Variants in GCNT1 observed in about 807,000 individuals in gnomAD.
GCNT1 encodes glucosaminyl (N-acetyl) transferase 1.
A neutral mutation model predicts 26.2 loss-of-function variants in GCNT1; 16 were observed. The ratio of observed to expected loss-of-function variants is 0.61; its 90% confidence interval spans 0.41 to 0.93. GCNT1 has a LOEUF of 0.93. GCNT1 is among the 40% of genes least tolerant of loss of function. The probability of loss-of-function intolerance (pLI) is 0.00; values close to 1 mark genes in which losing one functional copy is unlikely to be tolerated. For missense variants in GCNT1, 477 were observed against 526.7 expected, an observed-to-expected ratio of 0.91 and a Z score of 0.92; for synonymous variants, 183 against 190.8, an observed-to-expected ratio of 0.96 and a Z score of 0.34.
intron 1 of GCNT1, among the ~76,000 whole-genome samples, chr9:76,451,232 G>A (rs1823659990): frequency 6.6e-6 from 1 of 152,146 alleles, no homozygotes; most frequent in African/African-American, 2.4e-5. Context: ...TTTAGGCAAG[G>A]GGAGACTTTA....
chr9:76,475,660 C>CA (rs1824238264), intron 2 of GCNT1, among the ~76,000 whole-genome samples: 1 of 152,282 alleles, frequency 6.6e-6, no homozygotes, highest in East Asian at 1.9e-4. Context: ...TTCACGGAGA[C>CA]AGAGTGATGT....
the GCNT1 span, among the ~76,000 whole-genome samples, chr9:76,402,831 C>A: frequency 6.6e-6 from 1 of 152,162 alleles, no homozygotes; most frequent in Non-Finnish European, 1.5e-5. Context: ...AGGCACGCGC[C>A]ACCACGCCCG....
At chr9:76,431,368 C>T (rs960549220) in intron 1 of GCNT1, among the ~76,000 whole-genome samples, 13 of 152,168 alleles carry the variant, frequency 8.5e-5, no homozygotes, top group African/African-American at 2.9e-4. Flanking sequence ...GTCCCATGAT[C>T]CACTCAGTTT....
chr9:76,490,783 CT>C (rs1316921792), intron 2 of GCNT1, among the ~76,000 whole-genome samples: 1 of 152,234 alleles, frequency 6.6e-6, no homozygotes, highest in Non-Finnish European at 1.5e-5. Flanking sequence ...TTTCTTATCA[CT>C]TACTGAATAC....
At chr9:76,469,010 C>G (rs1295964087) in intron 2 of GCNT1, among the ~76,000 whole-genome samples, 1 of 152,152 alleles carries the variant, frequency 6.6e-6, no homozygotes, top group Non-Finnish European at 1.5e-5. Flanking sequence ...CATTTGTTAA[C>G]TTTATGGGGC....
rs1232693145 is a variant in GCNT1, at chr9:76,502,636, C to G, written c.255C>G (p.Arg85=). Residue 85 remains arginine, a synonymous_variant, in exon 4 of 4, where the codon CGC becomes CGG. Transcript: ENST00000376730. The part of the protein sequence containing the change: ...LEILTVKFKK[R]PRWTPDDYIN... Reference sequence around the variant, plus strand: ...TCCTAACAGTGAAATTTAAAAAGCGCCCTCGGTGGACACCTGACGACTATA... The same window carrying G: ...TCCTAACAGTGAAATTTAAAAAGCGGCCTCGGTGGACACCTGACGACTATA... The G allele has an allele frequency of 6.2e-7, 1 of 1,613,768 alleles. No homozygotes were observed. The highest frequency in any genetic ancestry group is 8.5e-7 in the Non-Finnish European group (1 of 1,179,924).
intron 1 of GCNT1, 115 bp from the exon 2 acceptor site, chr9:76,459,945 C>A (rs1335211086): frequency 1.3e-5 from 2 of 152,124 alleles, no homozygotes; most frequent in Admixed American, 1.3e-4. Context: ...TTACCCCCTC[C>A]TAGGTTTCTC....
the GCNT1 span, among the ~76,000 whole-genome samples, chr9:76,413,653 G>GTTTTGTTTTTTTTGTT: frequency 8.4e-6 from 1 of 118,658 alleles, no homozygotes; most frequent in Non-Finnish European, 1.8e-5. Context: ...GTTTTGTTTT[G>GTTTTGTTTTTTTTGTT]TTTTTTTTTT....
At chr9:76,428,847 T>C (rs1220568448) in intron 1 of GCNT1, among the ~76,000 whole-genome samples, 7 of 152,008 alleles carry the variant, frequency 4.6e-5, no homozygotes, top group Admixed American at 1.3e-4. Context: ...ATTACAGGCA[T>C]GCACCACCAC....
At chr9:76,487,972 G>A (rs922221874) in intron 2 of GCNT1, among the ~76,000 whole-genome samples, 2 of 152,128 alleles carry the variant, frequency 1.3e-5, no homozygotes, top group Non-Finnish European at 1.5e-5. Context: ...AGGCTCAGGC[G>A]ATCCACTCGC....
chr9:76,413,611 A>G, the GCNT1 span, among the ~76,000 whole-genome samples: 38 of 144,800 alleles, frequency 2.6e-4, no homozygotes, highest in East Asian at 7.3e-3. Context: ...GATTTTTGGC[A>G]GTTTGCATAT....
At chr9:76,483,044 C>T (rs78719615) in intron 2 of GCNT1, among the ~76,000 whole-genome samples, 4,284 of 151,996 alleles carry the variant, frequency 0.028, 199 homozygotes, top group African/African-American at 0.098. Flanking sequence ...TGAAATGATA[C>T]ATGTGTCTAA....
chr9:76,484,317 C>T (rs1016266849), intron 2 of GCNT1, among the ~76,000 whole-genome samples: 1 of 150,240 alleles, frequency 6.7e-6, no homozygotes. Flanking sequence ...CTGCAGTGAG[C>T]CAAGATAATG....
At chr9:76,446,047 G>A (rs111301126) in intron 1 of GCNT1, among the ~76,000 whole-genome samples, 1 of 151,914 alleles carries the variant, frequency 6.6e-6, no homozygotes, top group African/African-American at 2.4e-5. Flanking sequence ...GTGAGTGTGT[G>A]GGGGAAACAG....
At chr9:76,438,364 G>A (rs1477683122), upstream of GCNT1, among the ~76,000 whole-genome samples, 4 of 152,162 alleles carry the variant, frequency 2.6e-5, no homozygotes, top group South Asian at 2.1e-4. Flanking sequence ...AAGGAGACAC[G>A]AATGTCTGGG....
At chr9:76,425,852 C>T (rs1374997989) in intron 1 of GCNT1, among the ~76,000 whole-genome samples, 1 of 151,970 alleles carries the variant, frequency 6.6e-6, no homozygotes, top group Non-Finnish European at 1.5e-5. Flanking sequence ...TGTGCTGAGT[C>T]AGTTTTTGAG....
chr9:76,462,734 C>G (rs1019305385), intron 2 of GCNT1, among the ~76,000 whole-genome samples: 2 of 152,138 alleles, frequency 1.3e-5, no homozygotes, highest in African/African-American at 4.8e-5. Flanking sequence ...ACATCTGACG[C>G]CTTGAAACAC....
At chr9:76,413,653 G>GTTTTGTTTTTTTTTTTTTTTTTTTT in the GCNT1 span, among the ~76,000 whole-genome samples, 1 of 118,662 alleles carries the variant, frequency 8.4e-6, no homozygotes, top group Admixed American at 8.9e-5. Context: ...GTTTTGTTTT[G>GTTTTGTTTTTTTTTTTTTTTTTTTT]TTTTTTTTTT....
chr9:76,503,411 C>T lies in GCNT1; in HGVS notation c.1030C>T (p.Leu344=). ...ACTCCCTGCCAGCCATAAGTATGAT[C>T]TGTCTGACATGCAAGCAGTTGCCAG... is the stretch of plus-strand genomic sequence containing the variant. The part of the protein sequence containing the change: ...GSLPASHKYD[L]SDMQAVARFV... Residue 344 remains leucine, a synonymous_variant, in exon 4 of 4, where the codon CTG becomes TTG. Coordinates refer to ENST00000376730, the MANE Select transcript of GCNT1 (RefSeq NM_001490.5). 6.2e-7 allele frequency: 1 copy of T among 1,614,116 alleles called. No homozygotes were observed. The highest frequency in any genetic ancestry group is 8.5e-7 in the Non-Finnish European group (1 of 1,179,976).
Sources: allele counts gnomAD v4.1 joint callset (sites outside exome capture counted in the v4.1 genomes callset), GRCh38; gene constraint gnomAD v4.1.1; transcripts MANE v1.5; gene names NCBI Gene and HGNC (gene_info 2026-07-23, HGNC 2026-07-21).